Variants in LHFPL3 observed in about 807,000 individuals in gnomAD.
LHFPL3 encodes the protein LHFPL tetraspan subfamily member 3.
LHFPL3 carries 5 observed loss-of-function variants against 19.3 expected under a neutral mutation model. The ratio of observed to expected loss-of-function variants is 0.26; its 90% CI spans 0.14 to 0.54. The LOEUF (loss-of-function observed/expected upper bound fraction) is 0.54, where lower values mean the gene tolerates loss of function less well. Ranked by LOEUF, LHFPL3 falls within the 20% of genes least tolerant of loss-of-function variation. The pLI, the probability that LHFPL3 is intolerant of heterozygous loss-of-function variation, is 0.94. For missense variants in LHFPL3, 249 were observed against 307.4 expected, an observed-to-expected ratio of 0.81 and a Z score of 1.42; for synonymous variants, 133 against 126.2, an observed-to-expected ratio of 1.05 and a Z score of -0.36.
At chr7:104,470,954 C>T (rs1438084660) in intron 1 of LHFPL3, among the ~76,000 whole-genome samples, 1 of 152,146 alleles carries the variant, frequency 6.6e-6, no homozygotes, top group African/African-American at 2.4e-5. Context: ...CTGCCCCTAG[C>T]TCACAGAGAG....
At chr7:104,453,782 C>G (rs1431887724) in intron 1 of LHFPL3, among the ~76,000 whole-genome samples, 1 of 152,016 alleles carries the variant, frequency 6.6e-6, no homozygotes, top group African/African-American at 2.4e-5. Flanking sequence ...CTCATGAGAT[C>G]TGGTCATTTA....
At chr7:104,376,447 A>G (rs1790716417) in intron 1 of LHFPL3, among the ~76,000 whole-genome samples, 1 of 152,236 alleles carries the variant, frequency 6.6e-6, no homozygotes, top group Non-Finnish European at 1.5e-5. Context: ...GAGATGCTAG[A>G]TAAAATCTCT....
chr7:104,672,982 C>A (rs1792515252), intron 1 of LHFPL3, among the ~76,000 whole-genome samples: 1 of 151,960 alleles, frequency 6.6e-6, no homozygotes, highest in African/African-American at 2.4e-5. Flanking sequence ...TCTTTCTAAT[C>A]TGAATGAAAT....
At position 104,610,284 on chromosome 7, in the gene LHFPL3, T is replaced by G. The variant is rs962648; in HGVS notation, c.446-126391T>G. ...AATTGACTAAAGCAAGGCCAACCCT[T>G]CTTTAGGTGATGTGATTCTACCTAC... On this transcript the variant is annotated intron_variant, in intron 1 of 2. Coordinates refer to ENST00000424859, the MANE Select transcript of LHFPL3 (RefSeq NM_199000.3). 2.0e-5 allele frequency among the ~76,000 whole-genome samples: 3 copies of G among 152,074 alleles called. No individual in the cohort carries two copies. In the East Asian group the frequency reaches 5.8e-4, roughly 30 times the overall value.
chr7:104,648,060 T>A (rs1212558487), intron 1 of LHFPL3, among the ~76,000 whole-genome samples: 1 of 152,210 alleles, frequency 6.6e-6, no homozygotes, highest in Non-Finnish European at 1.5e-5. Flanking sequence ...AACTGGAGAT[T>A]AGTTTCTATT....
At chr7:104,359,581 G>A (rs778623319) in intron 1 of LHFPL3, among the ~76,000 whole-genome samples, 2 of 152,202 alleles carry the variant, frequency 1.3e-5, no homozygotes. Context: ...GACTATTCAT[G>A]TTCTTGAGTC....
chr7:104,489,762 C>T (rs771685347), intron 1 of LHFPL3, among the ~76,000 whole-genome samples: 52 of 152,010 alleles, frequency 3.4e-4, no homozygotes, highest in Non-Finnish European at 7.2e-4. Context: ...CATAACATGA[C>T]CATAACCTCC....
intron 1 of LHFPL3, among the ~76,000 whole-genome samples, chr7:104,374,179 A>G (rs1790663300): frequency 6.6e-6 from 1 of 150,730 alleles, no homozygotes; most frequent in South Asian, 2.1e-4. Context: ...TTTAGAGAGT[A>G]ATTCTATTAT....
chr7:104,595,219 G>GT (rs1324668034), intron 1 of LHFPL3, among the ~76,000 whole-genome samples: 1 of 152,178 alleles, frequency 6.6e-6, no homozygotes, highest in African/African-American at 2.4e-5. Flanking sequence ...TACAGATGGG[G>GT]TTTTGGTGTA....
chr7:104,810,691 T>C (rs1441861836), intron 2 of LHFPL3, among the ~76,000 whole-genome samples: 1 of 152,140 alleles, frequency 6.6e-6, no homozygotes, highest in Non-Finnish European at 1.5e-5. Flanking sequence ...ATTAGTGCTA[T>C]TGGGACAACA....
At position 104,831,336 on chromosome 7, in the gene LHFPL3, C is replaced by T. The variant is rs140803539; in HGVS notation, c.683-74851C>T. ...CCCCTAATTGCTGGAAAATTCAATT[C>T]GGTCATAAGCTTAAAACTTTCCTGT... On this transcript the variant is annotated intron_variant, in intron 2 of 2. Coordinates refer to ENST00000424859, the MANE Select transcript of LHFPL3 (RefSeq NM_199000.3). Among the ~76,000 whole-genome samples, 226 of 152,020 alleles carry T rather than the reference C, an allele frequency of 1.5e-3. 3 individuals are homozygous for T. The Middle Eastern group carries it at 0.034, about 23-fold the overall frequency.
At chr7:104,356,168 GGTTTGGTCACTGTTCA>G (rs1790270713) in intron 1 of LHFPL3, among the ~76,000 whole-genome samples, 1 of 152,194 alleles carries the variant, frequency 6.6e-6, no homozygotes, top group Non-Finnish European at 1.5e-5. Flanking sequence ...GACTTTTCCA[GGTTTGGTCACTGTTCA>G]GTCCAGGGTA....
chr7:104,530,026 A>G (rs1314068766), intron 1 of LHFPL3, among the ~76,000 whole-genome samples: 1 of 152,296 alleles, frequency 6.6e-6, no homozygotes, highest in Admixed American at 6.5e-5. Flanking sequence ...AATGGGGGCT[A>G]TGTTGTATTT....
intron 1 of LHFPL3, chr7:104,667,956 C>G: frequency 1.9e-6 from 3 of 1,613,380 alleles, no homozygotes; most frequent in Non-Finnish European, 2.5e-6. Flanking sequence ...TCCAATTGAC[C>G]GTTCCATCCT....
chr7:104,523,937 AATT>A (rs1794131977), intron 1 of LHFPL3, among the ~76,000 whole-genome samples: 1 of 152,220 alleles, frequency 6.6e-6, no homozygotes, highest in African/African-American at 2.4e-5. Flanking sequence ...CCTAGGAATC[AATT>A]ATTTAAAAAA....
chr7:104,386,532 G>A (rs186858264), intron 1 of LHFPL3, among the ~76,000 whole-genome samples: 1 of 152,316 alleles, frequency 6.6e-6, no homozygotes, highest in East Asian at 1.9e-4. Flanking sequence ...AAAGTCACGT[G>A]TGTATTCAAG....
At chr7:104,759,653 T>A (rs570911256) in intron 2 of LHFPL3, 1 of 152,288 alleles carries the variant, frequency 6.6e-6, no homozygotes, top group East Asian at 1.9e-4. Flanking sequence ...GTAATGTCCA[T>A]GAGTTTATGA....
intron 2 of LHFPL3, among the ~76,000 whole-genome samples, chr7:104,740,504 C>A (rs1357529027): frequency 6.6e-6 from 1 of 152,094 alleles, no homozygotes. Flanking sequence ...TCTCACGCTG[C>A]TAATAAAGAC....
At chr7:104,815,998 T>C (rs930546125) in intron 2 of LHFPL3, among the ~76,000 whole-genome samples, 1 of 152,124 alleles carries the variant, frequency 6.6e-6, no homozygotes, top group Non-Finnish European at 1.5e-5. Context: ...CCACATTCCA[T>C]ATAGACCAGC....
Sources: allele counts gnomAD v4.1 joint callset (sites outside exome capture counted in the v4.1 genomes callset), GRCh38; gene constraint gnomAD v4.1.1; transcripts MANE v1.5; gene names NCBI Gene and HGNC (gene_info 2026-07-23, HGNC 2026-07-21).